RIMS2: variants seen among roughly 807,000 people sequenced by gnomAD.
RIMS2 encodes the protein regulating synaptic membrane exocytosis protein 2.
A neutral mutation model predicts 174.4 loss-of-function variants in RIMS2; 59 were observed. The observed-to-expected ratio is 0.34, with a 90% confidence interval of 0.27 to 0.42. The LOEUF (loss-of-function observed/expected upper bound fraction) is 0.42, where lower values mean the gene tolerates loss of function less well. Among genes scored for constraint, RIMS2 ranks in the 10% least tolerant of loss-of-function variants. The pLI is 1.00. For missense variants in RIMS2, 1,620 were observed against 1,666.3 expected, an observed-to-expected ratio of 0.97 and a Z score of 0.48; for synonymous variants, 606 against 572.5, an observed-to-expected ratio of 1.06 and a Z score of -0.84.
At chr8:103,680,706 G>A (rs970153851) in intron 1 of RIMS2, among the ~76,000 whole-genome samples, 2 of 151,920 alleles carry the variant, frequency 1.3e-5, no homozygotes, top group Non-Finnish European at 2.9e-5. Context: ...GATATGAATA[G>A]GCAGTTCATC....
chr8:103,576,955 C>A (rs1430674203), intron 1 of RIMS2, among the ~76,000 whole-genome samples: 1 of 152,060 alleles, frequency 6.6e-6, no homozygotes, highest in African/African-American at 2.4e-5. Context: ...AATGTTAGAC[C>A]TAAAACCATA....
intron 1 of RIMS2, among the ~76,000 whole-genome samples, chr8:103,587,604 G>C (rs1463420915): frequency 1.3e-5 from 2 of 151,910 alleles, no homozygotes; most frequent in African/African-American, 4.8e-5. Context: ...TGCAAGGATG[G>C]CTCAACGTAC....
intron 19 of RIMS2, among the ~76,000 whole-genome samples, chr8:104,078,865 T>A (rs1478380760): frequency 6.6e-6 from 1 of 152,192 alleles, no homozygotes. Flanking sequence ...ATATTTTGGT[T>A]TTGTGTTTGC....
intron 1 of RIMS2, among the ~76,000 whole-genome samples, chr8:103,621,673 G>A (rs2134671432): frequency 6.6e-6 from 1 of 152,300 alleles, no homozygotes; most frequent in Admixed American, 6.5e-5. Flanking sequence ...TAGATGGAGA[G>A]GAAAGTCTTT....
At chr8:103,523,986 A>G (rs1832850526) in intron 1 of RIMS2, among the ~76,000 whole-genome samples, 1 of 152,174 alleles carries the variant, frequency 6.6e-6, no homozygotes, top group South Asian at 2.1e-4. Context: ...TTTGCTACCC[A>G]AAAAATGAAT....
rs537056310 is a variant in RIMS2 at position 104,205,038 on chromosome 8, T to C, written c.3335-39878T>C. The stretch of plus-strand genomic sequence containing the variant: ...TTGGAATTTCTGAAGACTTTGGGCA[T>C]CATCCTTGGTGACATACTAAAGTGA... On this transcript the variant is annotated intron_variant, in intron 19 of 23. Transcript: ENST00000504942. 4.5e-4 allele frequency among the ~76,000 whole-genome samples: 69 copies of C among 152,308 alleles called. 1 individual carries two copies. The highest frequency in any genetic ancestry group is 1.6e-3 in the African/African-American group (67 of 41,582).
intron 1 of RIMS2, among the ~76,000 whole-genome samples, chr8:103,517,726 G>A (rs1429838935): frequency 2.0e-5 from 3 of 152,056 alleles, no homozygotes. Flanking sequence ...GCAATGGAAG[G>A]CTGCAGTGCA....
intron 19 of RIMS2, among the ~76,000 whole-genome samples, chr8:104,118,046 C>A (rs2098308415): frequency 6.6e-6 from 1 of 152,130 alleles, no homozygotes; most frequent in Non-Finnish European, 1.5e-5. Flanking sequence ...TTGGCATTGA[C>A]AACTGAATAT....
chr8:103,789,749 CTTT>C (rs11354049), intron 3 of RIMS2, among the ~76,000 whole-genome samples: 61 of 85,154 alleles, frequency 7.2e-4, no homozygotes, highest in African/African-American at 2.3e-3. Context: ...GGATTGTACT[CTTT>C]TTTTTTTTTT....
At chr8:103,921,360 A>C (rs1367755624) in intron 9 of RIMS2, among the ~76,000 whole-genome samples, 2 of 152,144 alleles carry the variant, frequency 1.3e-5, no homozygotes, top group Admixed American at 6.5e-5. Context: ...AATTTTTCTT[A>C]ATATGTCATT....
chr8:103,941,818 C>T (rs2082612054), intron 13 of RIMS2, among the ~76,000 whole-genome samples: 1 of 152,038 alleles, frequency 6.6e-6, no homozygotes, highest in Non-Finnish European at 1.5e-5. Context: ...TCAGTTTACA[C>T]CTCTTTCACT....
At chr8:103,616,434 G>C (rs894111421) in intron 1 of RIMS2, among the ~76,000 whole-genome samples, 1 of 152,170 alleles carries the variant, frequency 6.6e-6, no homozygotes, top group African/African-American at 2.4e-5. Flanking sequence ...ACAAAAGCTG[G>C]AAGCATTCCC....
At chr8:104,155,969 C>T (rs2098721443) in intron 19 of RIMS2, among the ~76,000 whole-genome samples, 1 of 152,118 alleles carries the variant, frequency 6.6e-6, no homozygotes, top group Admixed American at 6.6e-5. Context: ...AAACCTTACC[C>T]TAGGTTTATA....
At chr8:104,200,923 T>TC (rs2099051590) in intron 19 of RIMS2, among the ~76,000 whole-genome samples, 1 of 152,096 alleles carries the variant, frequency 6.6e-6, no homozygotes, top group Admixed American at 6.5e-5. Context: ...AAAAACAACA[T>TC]CAACAAAACC....
intron 2 of RIMS2, among the ~76,000 whole-genome samples, chr8:103,758,148 A>G (rs1564531350): frequency 6.6e-6 from 1 of 152,102 alleles, no homozygotes; most frequent in African/African-American, 2.4e-5. Context: ...TTAGATAGCT[A>G]TCTAGGACCT....
At chr8:103,764,601 C>T (rs908348692) in intron 2 of RIMS2, among the ~76,000 whole-genome samples, 10 of 152,054 alleles carry the variant, frequency 6.6e-5, no homozygotes, top group Non-Finnish European at 4.4e-5. Flanking sequence ...TGAACTGAGG[C>T]ATGTTCTTTT....
intron 19 of RIMS2, among the ~76,000 whole-genome samples, chr8:104,023,335 C>A (rs969497043): frequency 1.3e-5 from 2 of 151,416 alleles, no homozygotes; most frequent in African/African-American, 4.9e-5. Context: ...ATTGAGAATA[C>A]CCTGAAGAAT....
At chr8:103,600,259 T>TTTTCTTTCTTTCTTTCTTTCTTTC (rs71575973) in intron 1 of RIMS2, among the ~76,000 whole-genome samples, 13 of 151,288 alleles carry the variant, frequency 8.6e-5, no homozygotes, top group African/African-American at 3.2e-4. Flanking sequence ...AAATGCTACA[T>TTTTCTTTCTTTCTTTCTTTCTTTC]TTTCTTTCTT....
chr8:103,697,632 G>A (rs2097122013), intron 2 of RIMS2, among the ~76,000 whole-genome samples: 3 of 152,124 alleles, frequency 2.0e-5, no homozygotes, highest in African/African-American at 4.8e-5. Flanking sequence ...GGAGGCAGAG[G>A]TGGGAGGATG....
Sources: gnomAD v4.1 joint callset for allele counts (sites outside exome capture counted in the v4.1 genomes callset) on GRCh38, gnomAD v4.1.1 for gene constraint, MANE v1.5 for transcripts, NCBI Gene and HGNC (gene_info 2026-07-23, HGNC 2026-07-21) for gene names.